The following RASSF6 variants were observed in gnomAD, a reference collection of about 807,000 sequenced individuals.
RASSF6 encodes ras association domain-containing protein 6.
Under a neutral mutation model 44.0 loss-of-function variants are expected in RASSF6, and 52 were observed. The ratio of observed to expected loss-of-function variants is 1.18; its 90% CI spans 0.95 to 1.49. The LOEUF is 1.49. Among genes scored for constraint, RASSF6 ranks in the 40% most tolerant of loss-of-function variants. The probability of loss-of-function intolerance (pLI) is 0.00; values close to 1 mark genes in which losing one functional copy is unlikely to be tolerated. For synonymous variants in RASSF6, 162 were observed against 124.6 expected (o/e 1.30, Z -2.00); for missense variants, 464 against 393.3 (o/e 1.18, Z -1.52).
chr4:73,592,423 T>C (rs1008208403), intron 4 of RASSF6, among the ~76,000 whole-genome samples: 3 of 152,038 alleles, frequency 2.0e-5, no homozygotes, highest in South Asian at 2.1e-4. Context: ...GGTATCTCAA[T>C]GTATATACAC....
intron 2 of RASSF6, among the ~76,000 whole-genome samples, chr4:73,606,525 T>C (rs1050254509): frequency 6.6e-6 from 1 of 152,156 alleles, no homozygotes; most frequent in African/African-American, 2.4e-5. Flanking sequence ...TCATGCAAAA[T>C]AGAGACAAGG....
intron 2 of RASSF6, among the ~76,000 whole-genome samples, chr4:73,601,835 ATTACTG>A (rs934747207): frequency 6.6e-6 from 1 of 152,232 alleles, no homozygotes; most frequent in Non-Finnish European, 1.5e-5. Context: ...AAGGTGAAGA[ATTACTG>A]TTAAGTTGAT....
intron 1 of RASSF6, among the ~76,000 whole-genome samples, chr4:73,614,412 T>C (rs1332266778): frequency 6.6e-6 from 1 of 152,192 alleles, no homozygotes; most frequent in Non-Finnish European, 1.5e-5. Context: ...ATGTGGTTAG[T>C]GCCCTTATAA....
intron 6 of RASSF6, among the ~76,000 whole-genome samples, chr4:73,584,841 C>G (rs1052549512): frequency 1.3e-5 from 2 of 152,000 alleles, no homozygotes; most frequent in African/African-American, 2.4e-5. Flanking sequence ...GTTCTGGAGT[C>G]AGACAAAGCT....
At chr4:73,578,500 A>C (rs1723391380) in intron 8 of RASSF6, among the ~76,000 whole-genome samples, 1 of 152,214 alleles carries the variant, frequency 6.6e-6, no homozygotes, top group Non-Finnish European at 1.5e-5. Flanking sequence ...GAAGTAAAGC[A>C]CAACTGGAAT....
At chr4:73,616,360 T>C (rs969357750) in intron 1 of RASSF6, among the ~76,000 whole-genome samples, 19 of 152,150 alleles carry the variant, frequency 1.2e-4, no homozygotes, top group African/African-American at 4.6e-4. Context: ...TTCTGTAGCT[T>C]TCTAATTACT....
rs200112478 is a variant in RASSF6, at chr4:73,581,871, G to T, written c.670-3C>A. 3.4e-4 allele frequency: 550 copies of T among 1,606,944 alleles called. 14 individuals carry two copies. The South Asian group carries it at 5.8e-3, about 17-fold the overall frequency. ...AAATCCTGGGGACTATTTTCAATCT[G>T]TCAAGGGAAAAAATGAACAAATATA... On this transcript the variant is annotated splice_polypyrimidine_tract_variant and splice_region_variant and intron_variant, in intron 7 of 10. Transcript: ENST00000307439.
At chr4:73,593,260 C>T (rs1049107823) in intron 4 of RASSF6, among the ~76,000 whole-genome samples, 191 bp downstream of exon 4, 1 of 152,148 alleles carries the variant, frequency 6.6e-6, no homozygotes, top group African/African-American at 2.4e-5. Context: ...AGGTGATCCA[C>T]CTGCCTTGGC....
At chr4:73,616,598 C>T (rs999959263) in intron 1 of RASSF6, among the ~76,000 whole-genome samples, 1 of 151,986 alleles carries the variant, frequency 6.6e-6, no homozygotes, top group Non-Finnish European at 1.5e-5. Context: ...ATAATTATTT[C>T]TTTTTTTATT....
chr4:73,607,191 A>G (rs1296790837), intron 2 of RASSF6, among the ~76,000 whole-genome samples: 3 of 152,242 alleles, frequency 2.0e-5, no homozygotes, highest in Non-Finnish European at 4.4e-5. Flanking sequence ...CTGCTTTGTT[A>G]ACATCTTTAA....
chr4:73,607,604 CT>C (rs984642993), intron 2 of RASSF6, among the ~76,000 whole-genome samples: 3 of 152,194 alleles, frequency 2.0e-5, no homozygotes, highest in Non-Finnish European at 2.9e-5. Context: ...CTATGTGGAT[CT>C]CAAAGTGTGA....
At chr4:73,600,415 T>C (rs6446944) in intron 2 of RASSF6, among the ~76,000 whole-genome samples, 74,535 of 151,620 alleles carry the variant, frequency 0.49, 18,637 homozygotes, top group East Asian at 0.67. Context: ...CAAGTCATGA[T>C]ATTAAAATTC....
intron 8 of RASSF6, among the ~76,000 whole-genome samples, chr4:73,577,430 A>T (rs1194475158): frequency 6.6e-6 from 1 of 152,234 alleles, no homozygotes; most frequent in Non-Finnish European, 1.5e-5. Flanking sequence ...AGAATAAAGC[A>T]TGAACAAAAC....
intron 6 of RASSF6, among the ~76,000 whole-genome samples, chr4:73,584,782 T>A (rs1723945295): frequency 6.6e-6 from 1 of 152,122 alleles, no homozygotes; most frequent in African/African-American, 2.4e-5. Context: ...ATGTTTTTAA[T>A]ACTTGGCACA....
intron 3 of RASSF6, among the ~76,000 whole-genome samples, chr4:73,594,509 T>C (rs1296203487): frequency 6.6e-6 from 1 of 152,218 alleles, no homozygotes; most frequent in Admixed American, 6.5e-5. Flanking sequence ...AGTCACTGGC[T>C]ACCTTTAAAC....
At chr4:73,610,637 A>G (rs1725944332) in intron 2 of RASSF6, among the ~76,000 whole-genome samples, 1 of 152,178 alleles carries the variant, frequency 6.6e-6, no homozygotes, top group African/African-American at 2.4e-5. Context: ...TACCTGCGAA[A>G]GCTGCATGGC....
At chr4:73,576,758 A>T in intron 8 of RASSF6, 27 bp from the exon 9 acceptor site, 2 of 1,297,962 alleles carry the variant, frequency 1.5e-6, no homozygotes, top group East Asian at 2.4e-5. Flanking sequence ...AATCAACCAC[A>T]ATCAGAAGTT....
intron 2 of RASSF6, among the ~76,000 whole-genome samples, chr4:73,606,285 G>A (rs1725625383): frequency 1.3e-5 from 2 of 152,180 alleles, no homozygotes; most frequent in Admixed American, 6.5e-5. Flanking sequence ...GCAGCCGGAG[G>A]CTATTATCCT....
intron 2 of RASSF6, among the ~76,000 whole-genome samples, chr4:73,602,733 G>T (rs1725357933): frequency 6.6e-6 from 1 of 152,180 alleles, no homozygotes; most frequent in Non-Finnish European, 1.5e-5. Context: ...GATAAGAAAT[G>T]GATTCTATGT....
Sources: gnomAD v4.1 joint callset for allele counts (sites outside exome capture counted in the v4.1 genomes callset) on GRCh38, gnomAD v4.1.1 for gene constraint, MANE v1.5 for transcripts, NCBI Gene and HGNC (gene_info 2026-07-23, HGNC 2026-07-21) for gene names.